Variants in NRXN1 observed in about 807,000 individuals in gnomAD.
NRXN1 encodes neurexin 1.
In NRXN1, 39 loss-of-function variants were observed where a neutral mutation model predicts 150.9. The ratio of observed to expected loss-of-function variants is 0.26; its 90% CI spans 0.20 to 0.34. The LOEUF is 0.34. NRXN1 is among the 10% of genes least tolerant of loss of function. The pLI is 1.00. For missense variants in NRXN1, 1,815 were observed against 1,949.9 expected (o/e 0.93, Z 1.30); for synonymous variants, 924 against 757.0 (o/e 1.22, Z -3.62).
intron 6 of NRXN1, among the ~76,000 whole-genome samples, chr2:50,622,688 A>T (rs1213311722): frequency 6.6e-6 from 1 of 152,214 alleles, no homozygotes; most frequent in Admixed American, 6.5e-5. Context: ...AAAAAATACA[A>T]TTAAATAGAA....
At chr2:50,072,304 C>G (rs1370814530) in intron 19 of NRXN1, among the ~76,000 whole-genome samples, 1 of 151,854 alleles carries the variant, frequency 6.6e-6, no homozygotes, top group Non-Finnish European at 1.5e-5. Context: ...GCAAAACAAA[C>G]AATAAAAGCA....
intron 5 of NRXN1, among the ~76,000 whole-genome samples, chr2:50,866,103 G>A (rs1181231683): frequency 4.6e-5 from 7 of 151,476 alleles, no homozygotes; most frequent in East Asian, 3.9e-4. Flanking sequence ...ATGTTTCTAC[G>A]GAATTAGATT....
chr2:50,110,961 T>C (rs1216203477), intron 18 of NRXN1, among the ~76,000 whole-genome samples: 1 of 152,226 alleles, frequency 6.6e-6, no homozygotes, highest in Non-Finnish European at 1.5e-5. Flanking sequence ...TTCAGACTTA[T>C]GACTTAATCC....
At chr2:50,411,916 T>G (rs918177667) in intron 17 of NRXN1, among the ~76,000 whole-genome samples, 3 of 152,226 alleles carry the variant, frequency 2.0e-5, no homozygotes, top group Admixed American at 6.5e-5. Context: ...AGATTGTTAC[T>G]GTGTCTGTGT....
intron 17 of NRXN1, among the ~76,000 whole-genome samples, chr2:50,300,232 C>T (rs1025966391): frequency 2.0e-5 from 3 of 152,286 alleles, no homozygotes; most frequent in African/African-American, 7.2e-5. Context: ...ACTTTTTAAG[C>T]TGGACTGAGT....
chr2:50,796,426 G>A (rs183634950), intron 5 of NRXN1, among the ~76,000 whole-genome samples: 2 of 152,198 alleles, frequency 1.3e-5, no homozygotes, highest in African/African-American at 2.4e-5. Context: ...ACCATGAGAG[G>A]TATGGAATGA....
At chr2:50,884,358 C>T (rs1267159630) in intron 5 of NRXN1, among the ~76,000 whole-genome samples, 1 of 151,694 alleles carries the variant, frequency 6.6e-6, no homozygotes, top group Non-Finnish European at 1.5e-5. Context: ...CTTATGCCTA[C>T]ACATATTAAC....
intron 5 of NRXN1, among the ~76,000 whole-genome samples, chr2:50,909,830 G>A (rs1485502942): frequency 1.3e-5 from 2 of 152,048 alleles, no homozygotes; most frequent in East Asian, 1.9e-4. Flanking sequence ...TTCTTCTTGA[G>A]CAGTGTAGAA....
intron 17 of NRXN1, among the ~76,000 whole-genome samples, chr2:50,329,439 A>G (rs547107349): frequency 1.4e-4 from 21 of 151,400 alleles, no homozygotes; most frequent in African/African-American, 4.8e-4. Flanking sequence ...TACAGGAGGT[A>G]GTATAAAGAA....
At chr2:50,877,599 C>T (rs1268693140) in intron 5 of NRXN1, among the ~76,000 whole-genome samples, 3 of 151,790 alleles carry the variant, frequency 2.0e-5, no homozygotes, top group African/African-American at 7.3e-5. Flanking sequence ...TGTTGTTTTC[C>T]AAATTCATAT....
At position 50,210,930 on chromosome 2, in the gene NRXN1, G is replaced by C. The variant is rs115138177; in HGVS notation, c.3546+25859C>G. Among the ~76,000 whole-genome samples, 734 of 151,712 alleles carry C rather than the reference G, an allele frequency of 4.8e-3. 10 individuals carry two copies. Among genetic ancestry groups the C allele is most frequent in the African/African-American group, 0.017 (695 of 41,520 alleles). On this transcript the variant is annotated intron_variant, in intron 18 of 22. Coordinates refer to ENST00000401669, the MANE Select transcript of NRXN1 (RefSeq NM_001330078.2). ...CTTTGCTCAAACACACACTATTTAA[G>C]TGGTTTAATCAAGTCTAAATAATGG...
intron 17 of NRXN1, among the ~76,000 whole-genome samples, chr2:50,354,300 T>A (rs1019988927): frequency 2.0e-5 from 3 of 152,144 alleles, no homozygotes; most frequent in Admixed American, 6.6e-5. Context: ...CTTTTATTTG[T>A]TGCCTTACCA....
intron 15 of NRXN1, among the ~76,000 whole-genome samples, chr2:50,492,784 T>C (rs2091332055): frequency 6.6e-6 from 1 of 152,130 alleles, no homozygotes; most frequent in Admixed American, 6.5e-5. Flanking sequence ...AAAAAAACAG[T>C]AACATTCTGA....
At chr2:50,303,425 T>C (rs1011220818) in intron 17 of NRXN1, among the ~76,000 whole-genome samples, 3 of 152,204 alleles carry the variant, frequency 2.0e-5, no homozygotes, top group Non-Finnish European at 4.4e-5. Context: ...GTTTTATTAA[T>C]CACATTTCAG....
chr2:50,937,006 T>C (rs1484615861), intron 2 of NRXN1, among the ~76,000 whole-genome samples: 1 of 152,102 alleles, frequency 6.6e-6, no homozygotes, highest in African/African-American at 2.4e-5. Context: ...GAGAGCAAGG[T>C]GCCTCTCGTT....
rs1201089247 is a variant in NRXN1 at position 50,134,138 on chromosome 2, T to G, written c.3547-42644A>C. Among the ~76,000 whole-genome samples, 3 of 152,144 alleles carry G rather than the reference T, an allele frequency of 2.0e-5. No individual in the cohort carries two copies. The East Asian group carries it at 5.8e-4, about 30-fold the overall frequency. On this transcript the variant is annotated intron_variant, in intron 18 of 22. Coordinates refer to ENST00000401669, the MANE Select transcript of NRXN1 (RefSeq NM_001330078.2). ...AAAGGACTTCAAAGTAGTCCAAGGG[T>G]AAGTCAATCAGTAAAGGAATATAAC...
At chr2:50,178,701 G>C (rs72887723) in intron 18 of NRXN1, among the ~76,000 whole-genome samples, 2,975 of 152,048 alleles carry the variant, frequency 0.02, 82 homozygotes, top group African/African-American at 0.068. Flanking sequence ...TTTCTATAGA[G>C]GTAAAACACC....
chr2:50,567,833 G>T, intron 8 of NRXN1, among the ~76,000 whole-genome samples: 1 of 152,014 alleles, frequency 6.6e-6, no homozygotes, highest in East Asian at 1.9e-4. Flanking sequence ...GACGAACACA[G>T]AGTGTTTAGT....
chr2:50,769,035 G>C (rs899927955), intron 5 of NRXN1, among the ~76,000 whole-genome samples: 1 of 152,080 alleles, frequency 6.6e-6, no homozygotes, highest in Non-Finnish European at 1.5e-5. Flanking sequence ...AAAGTAGCAA[G>C]TGTTAACACC....
Sources: allele counts gnomAD v4.1 joint callset (sites outside exome capture counted in the v4.1 genomes callset), GRCh38; gene constraint gnomAD v4.1.1; transcripts MANE v1.5; gene names NCBI Gene and HGNC (gene_info 2026-07-23, HGNC 2026-07-21).